The following CSMD3 variants were observed in gnomAD, a reference collection of about 807,000 sequenced individuals.
CSMD3 encodes the protein CUB and sushi domain-containing protein 3.
In CSMD3, 177 loss-of-function variants were observed where a neutral mutation model predicts 435.2. The observed-to-expected ratio is 0.41, with a 90% CI of 0.36 to 0.46. The LOEUF is 0.46. CSMD3 is among the 20% of genes least tolerant of loss of function. CSMD3 has a pLI of 0.34. For synonymous variants in CSMD3, 1,656 were observed against 1,520.5 expected (o/e 1.09, Z -2.07); for missense variants, 4,265 against 4,504.6 (o/e 0.95, Z 1.52).
chr8:112,662,074 A>T (rs2075394337), intron 17 of CSMD3, among the ~76,000 whole-genome samples: 1 of 152,142 alleles, frequency 6.6e-6, no homozygotes, highest in African/African-American at 2.4e-5. Flanking sequence ...AAGAATCAAT[A>T]TTGTGAAAAT....
At chr8:113,289,223 T>G (rs1380476954) in intron 2 of CSMD3, among the ~76,000 whole-genome samples, 1 of 151,786 alleles carries the variant, frequency 6.6e-6, no homozygotes, top group Non-Finnish European at 1.5e-5. Context: ...TAGCTACTCT[T>G]GAGAAAGATG....
At chr8:112,826,224 A>G (rs1034933335) in intron 12 of CSMD3, among the ~76,000 whole-genome samples, 12 of 152,128 alleles carry the variant, frequency 7.9e-5, no homozygotes, top group Non-Finnish European at 1.6e-4. Context: ...AGCTATAGAG[A>G]TTGCTGCCAC....
intron 13 of CSMD3, among the ~76,000 whole-genome samples, chr8:112,766,629 A>G (rs1259433857): frequency 6.6e-6 from 1 of 151,878 alleles, no homozygotes; most frequent in Non-Finnish European, 1.5e-5. Flanking sequence ...TTCAGTGGAC[A>G]ATAAACGGTA....
intron 5 of CSMD3, among the ~76,000 whole-genome samples, chr8:113,043,003 T>C (rs190993139): frequency 5.9e-5 from 9 of 152,298 alleles, no homozygotes; most frequent in African/African-American, 2.2e-4. Flanking sequence ...GACCAGATCC[T>C]CAACATATAT....
intron 13 of CSMD3, among the ~76,000 whole-genome samples, chr8:112,693,801 C>T (rs2076191433): frequency 6.6e-6 from 1 of 150,526 alleles, no homozygotes; most frequent in African/African-American, 2.4e-5. Context: ...GGAATTTAGC[C>T]CTCATGTTGC....
intron 13 of CSMD3, among the ~76,000 whole-genome samples, chr8:112,734,713 C>G (rs763383436): frequency 2.6e-5 from 4 of 151,714 alleles, no homozygotes; most frequent in Non-Finnish European, 4.4e-5. Context: ...TGATTTTTTG[C>G]TTTTTATCTT....
chr8:113,215,660 C>T (rs1490201980), intron 3 of CSMD3, among the ~76,000 whole-genome samples: 6 of 151,790 alleles, frequency 4.0e-5, no homozygotes, highest in African/African-American at 1.4e-4. Flanking sequence ...AATTAAGTTT[C>T]CATTAAATTT....
intron 5 of CSMD3, among the ~76,000 whole-genome samples, chr8:113,085,356 T>C (rs924136273): frequency 2.0e-5 from 3 of 152,056 alleles, no homozygotes; most frequent in African/African-American, 7.2e-5. Flanking sequence ...ATAGCCATTA[T>C]AAAAAACGGT....
intron 4 of CSMD3, among the ~76,000 whole-genome samples, chr8:113,133,362 A>G (rs2091333597): frequency 6.6e-6 from 1 of 152,150 alleles, no homozygotes; most frequent in Non-Finnish European, 1.5e-5. Context: ...CCACAAAGAG[A>G]TATCACCTCA....
intron 3 of CSMD3, among the ~76,000 whole-genome samples, chr8:113,236,154 C>T (rs2093146070): frequency 6.6e-6 from 1 of 152,176 alleles, no homozygotes. Flanking sequence ...GCTAATGATA[C>T]ATATGTTACA....
intron 27 of CSMD3, among the ~76,000 whole-genome samples, chr8:112,535,061 C>T (rs1730755139): frequency 6.6e-6 from 1 of 152,080 alleles, no homozygotes; most frequent in South Asian, 2.1e-4. Context: ...ATGACAAACC[C>T]ACAGCCAATA....
chr8:112,721,155 T>C (rs1484948039), intron 13 of CSMD3, among the ~76,000 whole-genome samples: 1 of 151,922 alleles, frequency 6.6e-6, no homozygotes, highest in Non-Finnish European at 1.5e-5. Context: ...AATTACAGAA[T>C]GTTTCCTTGA....
At chr8:112,942,447 G>T (rs1410908548) in intron 9 of CSMD3, among the ~76,000 whole-genome samples, 1 of 151,714 alleles carries the variant, frequency 6.6e-6, no homozygotes, top group Non-Finnish European at 1.5e-5. Context: ...CAATAGCAAA[G>T]ACATGGAATC....
intron 24 of CSMD3, among the ~76,000 whole-genome samples, chr8:112,571,889 A>G (rs1490996561): frequency 6.8e-6 from 1 of 147,296 alleles, no homozygotes; most frequent in African/African-American, 2.6e-5. Context: ...AAAAAAAAAG[A>G]AAGAAAGAAA....
intron 9 of CSMD3, among the ~76,000 whole-genome samples, chr8:112,933,726 A>AT (rs1226508500): frequency 6.6e-6 from 1 of 151,960 alleles, no homozygotes; most frequent in African/African-American, 2.4e-5. Flanking sequence ...ATAATTCGAC[A>AT]TTTTTTTTAT....
At chr8:113,140,757 A>G (rs1336123334) in intron 4 of CSMD3, among the ~76,000 whole-genome samples, 5 of 151,004 alleles carry the variant, frequency 3.3e-5, no homozygotes, top group African/African-American at 1.2e-4. Flanking sequence ...GGCAAACAAA[A>G]GCACTAGAGA....
chr8:113,292,287 AG>A, intron 2 of CSMD3, among the ~76,000 whole-genome samples: 1 of 151,796 alleles, frequency 6.6e-6, no homozygotes, highest in East Asian at 1.9e-4. Context: ...AATATTGGCA[AG>A]CATAATATTA....
intron 13 of CSMD3, among the ~76,000 whole-genome samples, chr8:112,759,379 G>T (rs1160436049): frequency 1.3e-5 from 2 of 152,072 alleles, no homozygotes; most frequent in Non-Finnish European, 2.9e-5. Flanking sequence ...CTCTATTAGT[G>T]TCAGAACTCA....
chr8:112,330,525 A>AGTGAC (rs1357254081), intron 45 of CSMD3, among the ~76,000 whole-genome samples: 1 of 152,100 alleles, frequency 6.6e-6, no homozygotes, highest in Non-Finnish European at 1.5e-5. Context: ...GGTTATTTTG[A>AGTGAC]GTGACATAAG....
Sources: gnomAD v4.1 joint callset for allele counts (sites outside exome capture counted in the v4.1 genomes callset) on GRCh38, gnomAD v4.1.1 for gene constraint, MANE v1.5 for transcripts, NCBI Gene and HGNC (gene_info 2026-07-23, HGNC 2026-07-21) for gene names.